The following CXXC5 variants were observed in gnomAD, a reference collection of about 807,000 sequenced individuals.
CXXC5 encodes the protein CXXC finger protein 5, also known as CXXC-type zinc finger protein 5.
Under a neutral mutation model 17.6 loss-of-function variants are expected in CXXC5, and 2 were observed. The ratio of observed to expected loss-of-function variants is 0.11; its 90% CI spans 0.05 to 0.36. The LOEUF is 0.36. CXXC5 is among the 10% of genes least tolerant of loss of function. CXXC5 has a pLI of 1.00. For synonymous variants in CXXC5, 171 were observed against 193.0 expected, an observed-to-expected ratio of 0.89 and a Z score of 0.94; for missense variants, 343 against 458.3, an observed-to-expected ratio of 0.75 and a Z score of 2.30.
At position 139,670,363 on chromosome 5, in the gene CXXC5, C is replaced by T. The variant is rs1756392482; in HGVS notation, c.-160-10001C>T. 6.6e-6 allele frequency among the ~76,000 whole-genome samples: 1 copy of T among 152,206 alleles called. No homozygotes were observed. The highest frequency in any genetic ancestry group is 2.4e-5 in the African/African-American group (1 of 41,452). ...CCCCCTTAGAGCTGGGACAGATTCT[C>T]AGCTAGTGGAACCCTGGGTTGGTTT... On this transcript the variant is annotated intron_variant, in intron 1 of 2. Coordinates refer to ENST00000302517, the MANE Select transcript of CXXC5 (RefSeq NM_016463.9). The surrounding 1 kb of genome is among the most constrained non-coding windows in gnomAD (Gnocchi z 4.2).
intron 1 of CXXC5, among the ~76,000 whole-genome samples, chr5:139,664,150 T>C (rs1268068792): frequency 1.3e-5 from 2 of 152,154 alleles, no homozygotes; most frequent in Non-Finnish European, 1.5e-5. Flanking sequence ...CCTAAGAGCA[T>C]TGGAACTGCT....
intron 1 of CXXC5, chr5:139,679,590 C>T (rs965615472): frequency 2.6e-5 from 4 of 152,250 alleles, no homozygotes; most frequent in African/African-American, 9.7e-5. Context: ...GCCTTCCAGA[C>T]TTAATGATCT....
At chr5:139,662,979 C>T (rs1200047088) in intron 1 of CXXC5, among the ~76,000 whole-genome samples, 1 of 152,216 alleles carries the variant, frequency 6.6e-6, no homozygotes, top group Admixed American at 6.5e-5. Context: ...TCCACCTGCT[C>T]CACTAGACCT....
intron 1 of CXXC5, among the ~76,000 whole-genome samples, chr5:139,651,571 G>A (rs1412674338): frequency 6.6e-6 from 1 of 152,224 alleles, no homozygotes; most frequent in Non-Finnish European, 1.5e-5. Context: ...GAGTGTGGGG[G>A]CAGGCTTGTA....
chr5:139,656,018 G>A (rs1449346797), intron 1 of CXXC5, among the ~76,000 whole-genome samples: 1 of 152,218 alleles, frequency 6.6e-6, no homozygotes, highest in African/African-American at 2.4e-5. Context: ...CCTCTGTCTG[G>A]CAGACCCTAC....
intron 1 of CXXC5, among the ~76,000 whole-genome samples, chr5:139,652,159 CGCGCGCGCGCGCGT>C (rs1189490905): frequency 8.7e-5 from 11 of 126,644 alleles, no homozygotes; most frequent in South Asian, 6.0e-4. Context: ...CGCGCGCGCG[CGCGCGCGCGCGCGT>C]GTGTGTGTGT....
Position 139,680,631 on chromosome 5 carries a change from C to G in CXXC5, c.108C>G (p.Asp36Glu). The G allele has an allele frequency of 1.9e-6, 3 of 1,612,574 alleles. No homozygotes were observed. Among genetic ancestry groups the G allele is most frequent in the Non-Finnish European group, 2.5e-6 (3 of 1,179,822 alleles). Reference sequence around the variant, plus strand: ...GTGGCCCAAAGGCAGGAGCAGCAGACAAGAGTGCAGTGGTGGCTGCCGCCG... The same window carrying G: ...GTGGCCCAAAGGCAGGAGCAGCAGAGAAGAGTGCAGTGGTGGCTGCCGCCG... ...GSSGPKAGAADKSAVVAAAAP... is the reference protein window; with the variant it reads ...GSSGPKAGAAEKSAVVAAAAP... The change falls in exon 2 of 3, where the codon GAC (aspartate) becomes GAG (glutamate). Residue 36 changes from aspartate (D) to glutamate (E), a missense_variant. Physicochemically the swap from Asp to Glu is conservative, Grantham distance 45 (BLOSUM62 2). Coordinates refer to ENST00000302517, the MANE Select transcript of CXXC5 (RefSeq NM_016463.9).
rs772044085 is a variant in CXXC5, at chr5:139,682,914, C to A, written c.*7C>A. Reference sequence around the variant, plus strand: ...CTTCCGGTGGTTTCAGTGACGGCGGCGGAACCCAAAGCTGCCCTCTCCGTG... The same window carrying A: ...CTTCCGGTGGTTTCAGTGACGGCGGAGGAACCCAAAGCTGCCCTCTCCGTG... On this transcript the variant is annotated 3_prime_UTR_variant, in exon 3 of 3. Coordinates refer to ENST00000302517, the MANE Select transcript of CXXC5 (RefSeq NM_016463.9). 1 of 1,589,082 alleles carries A rather than the reference C, an allele frequency of 6.3e-7. No homozygotes were observed. Among genetic ancestry groups the A allele is most frequent in the Non-Finnish European group, 8.6e-7 (1 of 1,166,534 alleles).
chr5:139,677,345 C>T (rs1756905944), intron 1 of CXXC5, among the ~76,000 whole-genome samples: 2 of 152,086 alleles, frequency 1.3e-5, no homozygotes, highest in African/African-American at 4.8e-5. Context: ...GCTGTGTGCC[C>T]TAGAGTAGAA....
rs958956021 is a variant in CXXC5, at chr5:139,668,071, G to C, written c.-160-12293G>C. Among the ~76,000 whole-genome samples the C allele has an allele frequency of 6.6e-6, 1 of 151,998 alleles. No homozygotes were observed. Among genetic ancestry groups the C allele is most frequent in the African/African-American group, 2.4e-5 (1 of 41,386 alleles). Reference sequence around the variant, plus strand: ...AGCCCCTCTCATCCCTTCCTGGGCTGGGCCTGCGGCACCCTCCCCAACCTC... The same window carrying C: ...AGCCCCTCTCATCCCTTCCTGGGCTCGGCCTGCGGCACCCTCCCCAACCTC... On this transcript the variant is annotated intron_variant, in intron 1 of 2. Coordinates refer to ENST00000302517, the MANE Select transcript of CXXC5 (RefSeq NM_016463.9). The surrounding 1 kb of genome is among the most constrained non-coding windows in gnomAD (Gnocchi z 4.1).
intron 1 of CXXC5, among the ~76,000 whole-genome samples, chr5:139,676,300 C>T (rs1299589683): frequency 2.4e-5 from 1 of 41,360 alleles, no homozygotes; most frequent in Non-Finnish European, 4.9e-5. Context: ...TCCCCAGCCT[C>T]CTCCCCCCAA....
chr5:139,660,848 G>C (rs1288743646), intron 1 of CXXC5, among the ~76,000 whole-genome samples: 1 of 152,094 alleles, frequency 6.6e-6, no homozygotes, highest in African/African-American at 2.4e-5. Flanking sequence ...AGTCTGGACA[G>C]AAATATCCTC....
At chr5:139,678,676 C>A (rs929636685) in intron 1 of CXXC5, among the ~76,000 whole-genome samples, 1 of 151,990 alleles carries the variant, frequency 6.6e-6, no homozygotes, top group Non-Finnish European at 1.5e-5. Context: ...TCTGTAAATG[C>A]AGAGGGTTGG....
intron 1 of CXXC5, among the ~76,000 whole-genome samples, chr5:139,660,982 G>A (rs1755771955): frequency 6.6e-6 from 1 of 151,046 alleles, no homozygotes; most frequent in African/African-American, 2.4e-5. Context: ...TCCCAGCTCA[G>A]GTTTCGATGA....
rs1457130937 is a variant in CXXC5 at position 139,668,545 on chromosome 5, C to T, written c.-160-11819C>T. On this transcript the variant is annotated intron_variant, in intron 1 of 2. Transcript: ENST00000302517. The surrounding 1 kb of genome is among the most constrained non-coding windows in gnomAD (Gnocchi z 4.1). ...GCGGCTGTTCCTGCCGTTCTGGGGC[C>T]TGTGCCCCAGAGCTGGCCGCGTTTC... 6.6e-6 allele frequency among the ~76,000 whole-genome samples: 1 copy of T among 152,194 alleles called. No individual in the cohort carries two copies. Among genetic ancestry groups the T allele is most frequent in the Non-Finnish European group, 1.5e-5 (1 of 68,018 alleles).
At position 139,674,195 on chromosome 5, in the gene CXXC5, T is replaced by C. The variant is rs1440816396; in HGVS notation, c.-160-6169T>C. ...GCCTCCAAGACCAGTCTCCCTGGGC[T>C]TGAGCAGGGCTTCTTTTTCCCTCTG... On this transcript the variant is annotated intron_variant, in intron 1 of 2. Coordinates refer to ENST00000302517, the MANE Select transcript of CXXC5 (RefSeq NM_016463.9). 2.6e-5 allele frequency among the ~76,000 whole-genome samples: 4 copies of C among 152,232 alleles called. No individual in the cohort carries two copies. In the East Asian group the frequency reaches 7.7e-4, roughly 29 times the overall value.
intron 1 of CXXC5, among the ~76,000 whole-genome samples, chr5:139,680,092 GGTGGCTGT>G (rs1757092101): frequency 6.6e-6 from 1 of 152,182 alleles, no homozygotes; most frequent in Non-Finnish European, 1.5e-5. Context: ...CATGCCGCTT[GGTGGCTGT>G]GTGTTCATAG....
In CXXC5 at chr5:139,663,336, G is replaced by C. The variant is rs541986527; in HGVS notation, c.-161+14491G>C. The stretch of plus-strand genomic sequence containing the variant: ...CCAGGTGGCAAATGGAGCCTTTGCA[G>C]GGTGGCGAGAGGCTTGGGATGTGCC... On this transcript the variant is annotated intron_variant, in intron 1 of 2. Coordinates refer to ENST00000302517, the MANE Select transcript of CXXC5 (RefSeq NM_016463.9). This position sits in a 1 kb window ranked among gnomAD's most constrained non-coding sequence, Gnocchi z 4.2. 2.0e-4 allele frequency among the ~76,000 whole-genome samples: 31 copies of C among 152,328 alleles called. No homozygotes were observed. The East Asian group carries it at 2.5e-3, about 12-fold the overall frequency.
chr5:139,674,084 G>C (rs181906156), intron 1 of CXXC5, among the ~76,000 whole-genome samples: 1 of 152,150 alleles, frequency 6.6e-6, no homozygotes, highest in East Asian at 1.9e-4. Flanking sequence ...CTGGGTGCTC[G>C]CAGTGGCCAG....
Sources: gnomAD v4.1 joint callset for allele counts (sites outside exome capture counted in the v4.1 genomes callset) on GRCh38, gnomAD v4.1.1 for gene constraint, Gnocchi (gnomAD v3.1) non-coding constraint, MANE v1.5 for transcripts, NCBI Gene and HGNC (gene_info 2026-07-23, HGNC 2026-07-21) for gene names.